Variants in PDE1C observed in about 807,000 individuals in gnomAD.
PDE1C encodes the protein dual specificity calcium/calmodulin-dependent 3',5'-cyclic nucleotide phosphodiesterase 1C.
A neutral mutation model predicts 93.1 loss-of-function variants in PDE1C; 62 were observed. The observed-to-expected ratio is 0.67, with a 90% CI of 0.54 to 0.82. The LOEUF (loss-of-function observed/expected upper bound fraction) is 0.82. Among genes scored for constraint, PDE1C ranks in the 40% least tolerant of loss-of-function variants. PDE1C has a pLI of 0.00. For missense variants in PDE1C, 742 were observed against 884.6 expected, an observed-to-expected ratio of 0.84 and a Z score of 2.04; for synonymous variants, 325 against 310.1, an observed-to-expected ratio of 1.05 and a Z score of -0.50.
intron 2 of PDE1C, among the ~76,000 whole-genome samples, chr7:31,924,497 A>G (rs1478591809): frequency 1.3e-5 from 2 of 152,244 alleles, no homozygotes; most frequent in Non-Finnish European, 2.9e-5. Flanking sequence ...CCTTATAGGC[A>G]TCATGACTGG....
chr7:31,884,047 T>C (rs1304364867), intron 2 of PDE1C, among the ~76,000 whole-genome samples: 4 of 152,132 alleles, frequency 2.6e-5, no homozygotes, highest in Non-Finnish European at 5.9e-5. Flanking sequence ...TGGGAGGCAC[T>C]AGAAATTTAT....
intron 1 of PDE1C, among the ~76,000 whole-genome samples, chr7:32,315,619 T>C (rs1235500409): frequency 6.6e-6 from 1 of 152,208 alleles, no homozygotes; most frequent in Non-Finnish European, 1.5e-5. Context: ...TGCTCATAAT[T>C]AGAAAATAGA....
At chr7:31,673,600 G>T in the PDE1C span, among the ~76,000 whole-genome samples, 1 of 151,962 alleles carries the variant, frequency 6.6e-6, no homozygotes. Context: ...TACATTCAAA[G>T]ATTTAAAATA....
intron 2 of PDE1C, among the ~76,000 whole-genome samples, chr7:31,979,402 CAT>C (rs1448438957): frequency 6.6e-6 from 1 of 152,160 alleles, no homozygotes; most frequent in Non-Finnish European, 1.5e-5. Flanking sequence ...CAAGTAAATA[CAT>C]AGTCATTATT....
chr7:31,965,760 T>C (rs1302872881), intron 2 of PDE1C, among the ~76,000 whole-genome samples: 1 of 152,260 alleles, frequency 6.6e-6, no homozygotes, highest in Non-Finnish European at 1.5e-5. Flanking sequence ...AGCTGATCTC[T>C]TGGCATAAAC....
Position 31,858,723 on chromosome 7 carries a change from GTAA to G in PDE1C, c.750+6216_750+6218del, listed in dbSNP as rs1794314014. On this transcript the variant is annotated intron_variant, in intron 7 of 17. Coordinates refer to ENST00000396191, the MANE Select transcript of PDE1C (RefSeq NM_001191057.4). ...TGCTAGTCATGATTACTTATGTTTA[GTAA>G]TAATAATAACTATCATTTACTAATA... Among the ~76,000 whole-genome samples the G allele has an allele frequency of 3.3e-5, 5 of 152,106 alleles. No homozygotes were observed. In the South Asian group the frequency reaches 6.2e-4, roughly 19 times the overall value.
chr7:31,657,670 C>T, the PDE1C span, among the ~76,000 whole-genome samples: 2 of 152,104 alleles, frequency 1.3e-5, no homozygotes, highest in African/African-American at 2.4e-5. Flanking sequence ...GTCCCAAGAT[C>T]CTGTATTCCT....
chr7:32,388,223 A>T lies in PDE1C; in HGVS notation c.310+39599T>A, dbSNP rs181727190. Among the ~76,000 whole-genome samples the T allele has an allele frequency of 1.4e-3, 206 of 152,328 alleles. 2 individuals carry two copies. The highest frequency in any genetic ancestry group is 4.8e-3 in the African/African-American group (201 of 41,568). ...CCTAAAATGCTAGTAAGATATTTTT[A>T]AAATCTCTTCTCACTTACATAGCTG... On this transcript the variant is annotated intron_variant, in intron 1 of 1. Transcript: ENST00000672256.
the PDE1C span, among the ~76,000 whole-genome samples, chr7:31,720,433 C>T: frequency 1.3e-5 from 2 of 152,140 alleles, no homozygotes; most frequent in African/African-American, 2.4e-5. Context: ...TCACACTCAG[C>T]CCCAAGCCTC....
At chr7:31,755,991 C>T (rs1253565597) in intron 17 of PDE1C, among the ~76,000 whole-genome samples, 1 of 152,096 alleles carries the variant, frequency 6.6e-6, no homozygotes, top group Non-Finnish European at 1.5e-5. Flanking sequence ...CATGGTGAAA[C>T]CCCATCTCTA....
rs111496429 is a variant in PDE1C at position 32,206,191 on chromosome 7, G to C, written c.136+3298C>G. Among the ~76,000 whole-genome samples the C allele has an allele frequency of 2.1e-3, 323 of 152,226 alleles. 2 individuals are homozygous for C. The highest frequency in any genetic ancestry group is 7.1e-3 in the African/African-American group (295 of 41,524). ...TGGGGACTCTCCCACTAGCATGTAG[G>C]AGACCTTTGAGGATATATTCTGGGG... On this transcript the variant is annotated intron_variant, in intron 2 of 18. Coordinates refer to the PDE1C transcript ENST00000396193.
At chr7:31,702,026 A>T in the PDE1C span, among the ~76,000 whole-genome samples, 1 of 152,162 alleles carries the variant, frequency 6.6e-6, no homozygotes, top group Non-Finnish European at 1.5e-5. Context: ...ATTTTTTAGA[A>T]GTCCTGCAAA....
the PDE1C span, among the ~76,000 whole-genome samples, chr7:31,618,765 G>C: frequency 9.2e-5 from 14 of 152,214 alleles, no homozygotes; most frequent in Non-Finnish European, 1.6e-4. Flanking sequence ...CAGCTGGCAA[G>C]TGTTGGCATC....
At chr7:32,302,263 T>C (rs536901353), upstream of PDE1C, among the ~76,000 whole-genome samples, 3 of 152,362 alleles carry the variant, frequency 2.0e-5, no homozygotes, top group African/African-American at 7.2e-5. Flanking sequence ...AATTTATCTT[T>C]TTTAACTACT....
At chr7:31,967,091 G>A (rs1469712685) in intron 2 of PDE1C, among the ~76,000 whole-genome samples, 1 of 151,994 alleles carries the variant, frequency 6.6e-6, no homozygotes, top group Admixed American at 6.5e-5. Flanking sequence ...CTAGCAGAAG[G>A]CAAGAATTAA....
At chr7:31,731,968 T>C in the PDE1C span, among the ~76,000 whole-genome samples, 53 of 152,272 alleles carry the variant, frequency 3.5e-4, 1 homozygote, top group African/African-American at 1.2e-3. Flanking sequence ...ACTCGCCCCA[T>C]TGGAGGAGGA....
chr7:32,342,463 C>T (rs1783777383), intron 1 of PDE1C, among the ~76,000 whole-genome samples: 1 of 151,988 alleles, frequency 6.6e-6, no homozygotes, highest in Non-Finnish European at 1.5e-5. Flanking sequence ...TATAACTGTC[C>T]TTAAATGATA....
At chr7:32,426,564 A>G (rs1785539248) in intron 1 of PDE1C, among the ~76,000 whole-genome samples, 1 of 152,114 alleles carries the variant, frequency 6.6e-6, no homozygotes, top group African/African-American at 2.4e-5. Context: ...ACTCATTTTA[A>G]AAGAGCAGAT....
At chr7:31,883,150 C>T (rs146094875) in intron 2 of PDE1C, among the ~76,000 whole-genome samples, 287 of 152,308 alleles carry the variant, frequency 1.9e-3, no homozygotes, top group African/African-American at 6.7e-3. Context: ...ATATGGGAAA[C>T]TTCAAGACAT....
Sources: gnomAD v4.1 joint callset for allele counts (sites outside exome capture counted in the v4.1 genomes callset) on GRCh38, gnomAD v4.1.1 for gene constraint, MANE v1.5 for transcripts, NCBI Gene and HGNC (gene_info 2026-07-23, HGNC 2026-07-21) for gene names.